PRDM16: variants seen among roughly 807,000 people sequenced by gnomAD.
PRDM16 encodes the protein histone-lysine N-methyltransferase PRDM16.
In PRDM16, 23 loss-of-function variants were observed where a neutral mutation model predicts 110.6. The observed-to-expected ratio is 0.21, with a 90% CI of 0.15 to 0.29. The LOEUF is 0.29. Ranked by LOEUF, PRDM16 falls within the 10% of genes least tolerant of loss-of-function variation. The probability of loss-of-function intolerance (pLI) is 1.00; values close to 1 mark genes in which losing one functional copy is unlikely to be tolerated. For synonymous variants in PRDM16, 799 were observed against 781.8 expected, an observed-to-expected ratio of 1.02 and a Z score of -0.37; for missense variants, 1,615 against 1,794.3, an observed-to-expected ratio of 0.90 and a Z score of 1.81.
At chr1:3,225,458 G>A (rs982883403) in intron 2 of PRDM16, among the ~76,000 whole-genome samples, 7 of 152,228 alleles carry the variant, frequency 4.6e-5, no homozygotes, top group Admixed American at 6.5e-5. Context: ...CAGCCAGCAC[G>A]GCGCGTGGAC....
At chr1:3,403,023 C>T (rs1643499813) in intron 6 of PRDM16, 25 bp downstream of exon 6, 2 of 1,511,304 alleles carry the variant, frequency 1.3e-6, no homozygotes, top group Non-Finnish European at 8.9e-7. Flanking sequence ...TCTGAGTCTT[C>T]CTCCCCTTCC....
At chr1:3,429,244 G>T (rs1314391832) in intron 14 of PRDM16, among the ~76,000 whole-genome samples, 1 of 152,270 alleles carries the variant, frequency 6.6e-6, no homozygotes, top group Non-Finnish European at 1.5e-5. Flanking sequence ...GTGGGGCTTG[G>T]TTTGGGCAGC....
chr1:3,309,540 C>T (rs1444029191), intron 3 of PRDM16: 1 of 152,262 alleles, frequency 6.6e-6, no homozygotes, highest in Non-Finnish European at 1.5e-5. Context: ...TCTCTGTGCT[C>T]ATTTCTCATC....
intron 2 of PRDM16, among the ~76,000 whole-genome samples, chr1:3,211,133 G>T (rs1462205340): frequency 6.6e-6 from 1 of 152,170 alleles, no homozygotes. Context: ...GTTCGATGCT[G>T]GTTGTCTCCT....
At chr1:3,091,050 C>T (rs931655017) in intron 1 of PRDM16, among the ~76,000 whole-genome samples, 11 of 152,238 alleles carry the variant, frequency 7.2e-5, no homozygotes, top group African/African-American at 2.4e-4. Flanking sequence ...CAAACTCTCC[C>T]TAACCCCGAG....
chr1:3,432,448 C>T (rs1264421918), intron 16 of PRDM16, among the ~76,000 whole-genome samples: 1 of 152,230 alleles, frequency 6.6e-6, no homozygotes, highest in Non-Finnish European at 1.5e-5. Flanking sequence ...TCTGGCCCGC[C>T]CAGCCGCCTT....
At chr1:3,298,357 G>A (rs532251135) in intron 3 of PRDM16, among the ~76,000 whole-genome samples, 23 of 152,348 alleles carry the variant, frequency 1.5e-4, no homozygotes, top group African/African-American at 3.8e-4. Context: ...GCAGAGGCTC[G>A]AGCAGCCTCG....
At chr1:3,404,661 C>T in intron 6 of PRDM16, 78 bp from the exon 7 acceptor site, 9 of 1,569,670 alleles carry the variant, frequency 5.7e-6, no homozygotes, top group African/African-American at 1.4e-5. Context: ...GCACTGGGAA[C>T]AAGCTGTATG....
intron 3 of PRDM16, among the ~76,000 whole-genome samples, chr1:3,249,211 G>A (rs1639867634): frequency 6.7e-6 from 1 of 149,366 alleles, no homozygotes; most frequent in Admixed American, 6.7e-5. Context: ...GAGGGCTGGG[G>A]AGGAAGGGAG....
At chr1:3,295,614 C>T (rs547666317) in intron 3 of PRDM16, among the ~76,000 whole-genome samples, 64 of 152,276 alleles carry the variant, frequency 4.2e-4, no homozygotes, top group African/African-American at 1.5e-3. Context: ...GCGTCCTCCT[C>T]TCCCTCCCAC....
intron 1 of PRDM16, among the ~76,000 whole-genome samples, chr1:3,171,667 G>A (rs917304274): frequency 6.6e-6 from 1 of 152,202 alleles, no homozygotes; most frequent in African/African-American, 2.4e-5. Context: ...CCTCGGGCTG[G>A]CAAGCCCAGG....
chr1:3,417,696 A>C, intron 10 of PRDM16, 132 bp from the exon 11 acceptor site: 2 of 779,076 alleles, frequency 2.6e-6, no homozygotes, highest in Non-Finnish European at 4.4e-6. Context: ...AGAAAATACT[A>C]GGAGACCATT....
chr1:3,363,638 C>A (rs1377946886), intron 3 of PRDM16, among the ~76,000 whole-genome samples: 2 of 152,084 alleles, frequency 1.3e-5, no homozygotes, highest in Non-Finnish European at 2.9e-5. Flanking sequence ...CTCCCATTGC[C>A]CCCCAATAAG....
chr1:3,254,786 C>T (rs1640009805), intron 3 of PRDM16, among the ~76,000 whole-genome samples: 1 of 152,010 alleles, frequency 6.6e-6, no homozygotes, highest in African/African-American at 2.4e-5. Context: ...TGACTTTCTT[C>T]ACAGAATTGG....
chr1:3,077,877 C>A (rs1391196040), intron 1 of PRDM16, among the ~76,000 whole-genome samples: 1 of 152,214 alleles, frequency 6.6e-6, no homozygotes, highest in Non-Finnish European at 1.5e-5. Flanking sequence ...CACTTTGACC[C>A]CTGCCTTAGA....
At chr1:3,152,837 G>C (rs958178219) in intron 1 of PRDM16, among the ~76,000 whole-genome samples, 3 of 152,196 alleles carry the variant, frequency 2.0e-5, no homozygotes, top group African/African-American at 7.2e-5. Flanking sequence ...CAGGCAGGAG[G>C]GGTTTTGTCC....
chr1:3,107,512 C>G (rs899216397), intron 1 of PRDM16, among the ~76,000 whole-genome samples: 9 of 152,150 alleles, frequency 5.9e-5, no homozygotes, highest in Non-Finnish European at 1.2e-4. Context: ...CATTTAATGC[C>G]CGATGGGGAG....
Position 3,201,397 on chromosome 1 carries a change from T to G in PRDM16, c.387+14923T>G, listed in dbSNP as rs1411157659. Among the ~76,000 whole-genome samples, 6 of 152,014 alleles carry G rather than the reference T, an allele frequency of 3.9e-5. No individual in the cohort carries two copies. The highest frequency in any genetic ancestry group is 1.2e-4 in the African/African-American group (5 of 41,390). On this transcript the variant is annotated intron_variant, in intron 2 of 16. Coordinates refer to ENST00000270722, the MANE Select transcript of PRDM16 (RefSeq NM_022114.4). This position sits in a 1 kb window ranked among gnomAD's most constrained non-coding sequence, Gnocchi z 4.1. ...GTGTCCAGTCCCCAGAGAGGTGGCC[T>G]TCAAGTCCAGTAGCCCAAGCCACGG...
At chr1:3,177,858 A>C (rs943230562) in intron 1 of PRDM16, among the ~76,000 whole-genome samples, 5 of 152,244 alleles carry the variant, frequency 3.3e-5, no homozygotes, top group Non-Finnish European at 7.3e-5. Flanking sequence ...TGGATGGGCC[A>C]GGTGAGACTG....
Sources: gnomAD v4.1 joint callset for allele counts (sites outside exome capture counted in the v4.1 genomes callset) on GRCh38, gnomAD v4.1.1 for gene constraint, Gnocchi (gnomAD v3.1) non-coding constraint, MANE v1.5 for transcripts, NCBI Gene and HGNC (gene_info 2026-07-23, HGNC 2026-07-21) for gene names.